SLC38A6: variants seen among roughly 807,000 people sequenced by gnomAD.
SLC38A6 encodes the protein solute carrier family 38 member 6.
SLC38A6 carries 73 observed loss-of-function variants against 65.0 expected under a neutral mutation model. The ratio of observed to expected loss-of-function variants is 1.12; its 90% CI spans 0.93 to 1.37. The LOEUF (loss-of-function observed/expected upper bound fraction) is 1.37, where lower values mean the gene tolerates loss of function less well. Ranked by LOEUF, SLC38A6 falls within the 40% of genes most tolerant of loss-of-function variation. SLC38A6 has a pLI of 0.00. For synonymous variants in SLC38A6, 183 were observed against 178.8 expected (o/e 1.02, Z -0.19); for missense variants, 561 against 531.1 (o/e 1.06, Z -0.55).
chr14:60,981,484 A>G (rs1369922027), intron 1 of SLC38A6, 102 bp downstream of exon 1: 1 of 1,537,736 alleles, frequency 6.5e-7, no homozygotes, highest in Non-Finnish European at 8.7e-7. Context: ...GGGACAGGGG[A>G]GATGCTGGAG....
intron 3 of SLC38A6, among the ~76,000 whole-genome samples, chr14:61,009,908 G>C (rs1361215543): frequency 6.6e-6 from 1 of 152,172 alleles, no homozygotes; most frequent in Non-Finnish European, 1.5e-5. Flanking sequence ...GTAATGGGAT[G>C]GCTGGGTCAA....
intron 2 of SLC38A6, among the ~76,000 whole-genome samples, chr14:60,983,449 G>A (rs1030559750): frequency 1.3e-5 from 2 of 152,144 alleles, no homozygotes; most frequent in African/African-American, 4.8e-5. Flanking sequence ...CTGCACTCTA[G>A]CCTGGGTGAC....
intron 5 of SLC38A6, among the ~76,000 whole-genome samples, chr14:61,029,547 T>A (rs2040821476): frequency 6.6e-6 from 1 of 152,212 alleles, no homozygotes; most frequent in African/African-American, 2.4e-5. Flanking sequence ...AGTTTCTATA[T>A]ATTTAAGCTT....
At chr14:60,984,631 G>A (rs762667298) in intron 2 of SLC38A6, 99 bp from the exon 3 acceptor site, 1 of 888,524 alleles carries the variant, frequency 1.1e-6, no homozygotes. Flanking sequence ...GATAGTTCCT[G>A]TGAATATTTG....
chr14:61,062,218 T>C (rs1410854469), intron 15 of SLC38A6, among the ~76,000 whole-genome samples: 1 of 152,208 alleles, frequency 6.6e-6, no homozygotes, highest in African/African-American at 2.4e-5. Context: ...GGTAAGAATG[T>C]ATTTAGTTTT....
At position 61,015,839 on chromosome 14, in the gene SLC38A6, T is replaced by G. The variant is rs2039970567; in HGVS notation, c.311-65T>G. On this transcript the variant is annotated intron_variant, in intron 3 of 15. Transcript: ENST00000267488. ...TTTAGTTTGTAGTAGGACCTGCTCT[T>G]CTCTTTAGGACCTGACACATAAATA... 4 of 1,324,822 alleles carry G rather than the reference T, an allele frequency of 3.0e-6. No individual in the cohort carries two copies. In the Admixed American group the frequency reaches 8.5e-5, roughly 28 times the overall value. The allele number at this position is 1,324,822 out of a possible 1,614,324, so 82.1% of individuals were successfully genotyped here.
At chr14:61,048,317 A>T (rs575984996) in intron 12 of SLC38A6, 3 of 341,876 alleles carry the variant, frequency 8.8e-6, no homozygotes, top group East Asian at 1.5e-4. Flanking sequence ...CTGAATACTA[A>T]TCCAGTGTTA....
intron 3 of SLC38A6, among the ~76,000 whole-genome samples, chr14:60,993,451 CAT>C (rs1181348133): frequency 2.0e-5 from 3 of 152,126 alleles, no homozygotes; most frequent in Admixed American, 2.0e-4. Context: ...ACTCAGCAAT[CAT>C]AGATATTAGG....
intron 3 of SLC38A6, chr14:61,004,599 A>C (rs1033631027): frequency 2.0e-5 from 3 of 152,230 alleles, no homozygotes; most frequent in Non-Finnish European, 2.9e-5. Flanking sequence ...GAAATGGATA[A>C]ATTCCTTGAC....
At chr14:61,014,677 C>T (rs2039858136) in intron 3 of SLC38A6, among the ~76,000 whole-genome samples, 1 of 152,214 alleles carries the variant, frequency 6.6e-6, no homozygotes, top group Admixed American at 6.5e-5. Context: ...TGGGTATCAG[C>T]AGCAGAGGCT....
intron 8 of SLC38A6, among the ~76,000 whole-genome samples, chr14:61,039,873 T>C (rs2041679843): frequency 6.6e-6 from 1 of 152,092 alleles, no homozygotes; most frequent in Admixed American, 6.5e-5. Context: ...TTTTCTTATA[T>C]TCTTTGAATA....
At position 61,050,496 on chromosome 14, in the gene SLC38A6, A is replaced by G; in HGVS notation, c.926-16A>G. Reference sequence around the variant, plus strand: ...CTTAGTACTTTATAATGTGATCCTTATTATTTTATTTACAGACAAAGTGGA... The same window carrying G: ...CTTAGTACTTTATAATGTGATCCTTGTTATTTTATTTACAGACAAAGTGGA... On this transcript the variant is annotated splice_polypyrimidine_tract_variant and intron_variant, in intron 12 of 15. Coordinates refer to ENST00000267488, the MANE Select transcript of SLC38A6 (RefSeq NM_153811.3). 6.8e-7 allele frequency: 1 copy of G among 1,474,586 alleles called. No homozygotes were observed. Among genetic ancestry groups the G allele is most frequent in the Non-Finnish European group, 9.3e-7 (1 of 1,077,606 alleles). 91.3% of individuals were successfully genotyped at this position (1,474,586 alleles called of 1,614,324 possible).
rs761262650 is a variant in SLC38A6, at chr14:60,993,915, A to G, written c.310+9112A>G. Among the ~76,000 whole-genome samples, 8 of 152,252 alleles carry G rather than the reference A, an allele frequency of 5.3e-5. 1 individual carries two copies. The highest frequency in any genetic ancestry group is 1.0e-4 in the Non-Finnish European group (7 of 68,044). On this transcript the variant is annotated intron_variant, in intron 3 of 15. Coordinates refer to ENST00000267488, the MANE Select transcript of SLC38A6 (RefSeq NM_153811.3). ...CTACACATGTATTAGAATGACAAAA[A>G]TCTGAAACACTGACAATACCAAATA...
chr14:61,049,578 G>GT (rs2042381820), intron 12 of SLC38A6, among the ~76,000 whole-genome samples: 1 of 152,104 alleles, frequency 6.6e-6, no homozygotes, highest in South Asian at 2.1e-4. Context: ...CATAGCTCTT[G>GT]TTTAGAACTC....
chr14:61,070,787 T>C (rs2043202563), intron 15 of SLC38A6, among the ~76,000 whole-genome samples: 1 of 152,236 alleles, frequency 6.6e-6, no homozygotes, highest in Non-Finnish European at 1.5e-5. Flanking sequence ...TGGTTTTGTT[T>C]TGCATTTCCC....
At chr14:61,011,005 C>T (rs1009809215) in intron 3 of SLC38A6, among the ~76,000 whole-genome samples, 3 of 152,154 alleles carry the variant, frequency 2.0e-5, no homozygotes, top group African/African-American at 7.2e-5. Context: ...TTGATTCTTC[C>T]TACCCATGCG....
intron 2 of SLC38A6, among the ~76,000 whole-genome samples, 170 bp from the exon 3 acceptor site, chr14:60,984,560 T>TA (rs2037312833): frequency 6.6e-6 from 1 of 152,152 alleles, no homozygotes; most frequent in Non-Finnish European, 1.5e-5. Context: ...AATTGGTAAA[T>TA]ACAAAAAAGT....
intron 15 of SLC38A6, among the ~76,000 whole-genome samples, chr14:61,067,100 A>G (rs1291389697): frequency 1.3e-5 from 2 of 152,184 alleles, no homozygotes; most frequent in Non-Finnish European, 2.9e-5. Context: ...TATTTTTAAT[A>G]TATACATATG....
chr14:61,078,768 TTTTTA>T (rs2043525126), intron 15 of SLC38A6: 2 of 181,814 alleles, frequency 1.1e-5, no homozygotes, highest in South Asian at 1.7e-4. Context: ...TTATTTTTAT[TTTTTA>T]TTTTATTTAT....
Sources: allele counts gnomAD v4.1 joint callset (sites outside exome capture counted in the v4.1 genomes callset), GRCh38; gene constraint gnomAD v4.1.1; transcripts MANE v1.5; gene names NCBI Gene and HGNC (gene_info 2026-07-23, HGNC 2026-07-21).